PLA2R1: variants seen among roughly 807,000 people sequenced by gnomAD.
PLA2R1 encodes the protein secretory phospholipase A2 receptor.
A neutral mutation model predicts 195.9 loss-of-function variants in PLA2R1; 158 were observed. The observed-to-expected ratio is 0.81, with a 90% confidence interval of 0.71 to 0.92. PLA2R1 has a LOEUF of 0.92. Among genes scored for constraint, PLA2R1 ranks in the 40% least tolerant of loss-of-function variants. PLA2R1 has a pLI of 0.00. For synonymous variants in PLA2R1, 586 were observed against 598.2 expected, an observed-to-expected ratio of 0.98 and a Z score of 0.30; for missense variants, 1,626 against 1,764.6, an observed-to-expected ratio of 0.92 and a Z score of 1.41.
intron 26 of PLA2R1, among the ~76,000 whole-genome samples, 180 bp downstream of exon 26, chr2:159,947,239 G>C (rs1687446389): frequency 6.6e-6 from 1 of 152,156 alleles, no homozygotes; most frequent in African/African-American, 2.4e-5. Context: ...ACTGGACATT[G>C]TTTCATATAG....
Position 160,022,660 on chromosome 2 carries a change from C to A in PLA2R1, c.1294+5G>T. The A allele has an allele frequency of 6.4e-7, 1 of 1,558,778 alleles. No individual in the cohort carries two copies. Among genetic ancestry groups the A allele is most frequent in the Non-Finnish European group, 8.7e-7 (1 of 1,146,834 alleles). On this transcript the variant is annotated splice_donor_5th_base_variant and intron_variant, in intron 7 of 29. Coordinates refer to ENST00000283243, the MANE Select transcript of PLA2R1 (RefSeq NM_007366.5). ...CCTTTTAAACCAAAGGCAGCTGGGA[C>A]TCACCATCTCCAAGGAGGGTTACAA...
intron 11 of PLA2R1, among the ~76,000 whole-genome samples, chr2:159,997,315 G>A (rs915659948): frequency 6.6e-6 from 1 of 152,052 alleles, no homozygotes; most frequent in Non-Finnish European, 1.5e-5. Context: ...GAGAGCTGGA[G>A]CGGGGTATTT....
At position 159,941,583 on chromosome 2, in the gene PLA2R1, G is replaced by A; in HGVS notation, c.*195C>T. The A allele has an allele frequency of 2.1e-6, 1 of 482,924 alleles. No individual in the cohort carries two copies. The highest frequency in any genetic ancestry group is 3.7e-6 in the Non-Finnish European group (1 of 272,430). The allele number at this position is 482,924 out of a possible 1,614,324, so 29.9% of individuals were successfully genotyped here. On this transcript the variant is annotated 3_prime_UTR_variant, in exon 30 of 30. Transcript: ENST00000283243. ...TTACCCCTTTTAAGAATGGATCACA[G>A]TTTAGGGAAATGAATAAATCAAAAC...
At position 160,028,514 on chromosome 2, in the gene PLA2R1, C is replaced by T. The variant is rs148134818; in HGVS notation, c.956-153G>A. ...TTATCTATGATTTTGCAGTTACAGTCCAGGCATGTCAATTAAATGATTTCC... is the reference window on the plus strand; with the variant it reads ...TTATCTATGATTTTGCAGTTACAGTTCAGGCATGTCAATTAAATGATTTCC... On this transcript the variant is annotated intron_variant, in intron 5 of 29. Coordinates refer to ENST00000283243, the MANE Select transcript of PLA2R1 (RefSeq NM_007366.5). Among the ~76,000 whole-genome samples the T allele has an allele frequency of 1.2e-3, 177 of 152,296 alleles. 1 individual carries two copies. In the Middle Eastern group the frequency reaches 0.054, roughly 47 times the overall value.
intron 7 of PLA2R1, among the ~76,000 whole-genome samples, chr2:160,021,436 C>T (rs1285410506): frequency 6.6e-6 from 1 of 152,132 alleles, no homozygotes; most frequent in Non-Finnish European, 1.5e-5. Context: ...CATACACATA[C>T]CATGGAATAC....
chr2:159,956,920 C>G (rs1688130818), intron 20 of PLA2R1, among the ~76,000 whole-genome samples: 1 of 151,712 alleles, frequency 6.6e-6, no homozygotes, highest in African/African-American at 2.4e-5. Context: ...AAGTAGTATT[C>G]TTCCTAAAAA....
Position 160,028,983 on chromosome 2 carries a change from GCTTC to G in PLA2R1, c.842-24_842-21del. The stretch of plus-strand genomic sequence containing the variant: ...TGTGCTCTGAAATGAAAATTATGGA[GCTTC>G]AAAAAAAAAATCCAGTGTTACACAT... On this transcript the variant is annotated intron_variant, in intron 4 of 29. Coordinates refer to ENST00000283243, the MANE Select transcript of PLA2R1 (RefSeq NM_007366.5). 3 of 1,344,806 alleles carry G rather than the reference GCTTC, an allele frequency of 2.2e-6. No homozygotes were observed. Among genetic ancestry groups the G allele is most frequent in the African/African-American group, 2.8e-5 (2 of 71,372 alleles). 83.3% of individuals were successfully genotyped at this position (1,344,806 alleles called of 1,614,324 possible). A position where few individuals can be genotyped will look rare whatever the true frequency, so the allele number is the denominator to read the frequency against.
intron 13 of PLA2R1, among the ~76,000 whole-genome samples, chr2:159,980,858 G>A (rs3792165): frequency 0.61 from 92,239 of 152,102 alleles, 32,006 homozygotes; most frequent in Non-Finnish European, 0.77. Context: ...ATTCCTTCTC[G>A]GATATGTCAG....
At chr2:159,946,983 TC>T in intron 26 of PLA2R1, 66 bp from the exon 27 acceptor site, 1 of 972,140 alleles carries the variant, frequency 1.0e-6, no homozygotes, top group Non-Finnish European at 1.6e-6. Context: ...AAAAAATGTT[TC>T]CTATACTATT....
intron 23 of PLA2R1, 48 bp from the exon 24 acceptor site, chr2:159,951,626 A>G (rs1423936598): frequency 2.1e-6 from 2 of 933,662 alleles, no homozygotes; most frequent in Non-Finnish European, 3.5e-6. Context: ...CTGGATGACA[A>G]AGGAAGAGGC....
intron 11 of PLA2R1, among the ~76,000 whole-genome samples, chr2:159,995,259 G>A (rs1044097883): frequency 3.1e-4 from 47 of 152,056 alleles, no homozygotes; most frequent in African/African-American, 1.1e-3. Context: ...CAATCAGCTT[G>A]AGCAGCCAAA....
chr2:159,986,991 AT>A (rs572770435), intron 12 of PLA2R1, among the ~76,000 whole-genome samples, 164 bp downstream of exon 12: 4 of 152,084 alleles, frequency 2.6e-5, no homozygotes, highest in Non-Finnish European at 4.4e-5. Flanking sequence ...TTGGAATATG[AT>A]TGAAAGGATA....
intron 25 of PLA2R1, 61 bp from the exon 26 acceptor site, chr2:159,947,620 T>C: frequency 1.4e-6 from 2 of 1,427,016 alleles, no homozygotes; most frequent in South Asian, 1.2e-5. Context: ...TTGAGATAAA[T>C]ATTACATTAC....
intron 27 of PLA2R1, chr2:159,946,164 G>C (rs1574643255): frequency 1.3e-6 from 1 of 790,788 alleles, no homozygotes; most frequent in Non-Finnish European, 1.5e-6. Flanking sequence ...CTAACTAAAA[G>C]TTGGTCTGCT....
chr2:159,997,138 G>C (rs887810827), intron 11 of PLA2R1, among the ~76,000 whole-genome samples: 5 of 152,144 alleles, frequency 3.3e-5, no homozygotes, highest in Non-Finnish European at 4.4e-5. Flanking sequence ...AGAAACTGCA[G>C]TAAACAGGCC....
chr2:160,043,914 C>T (rs1012790272), intron 2 of PLA2R1, among the ~76,000 whole-genome samples: 5 of 152,182 alleles, frequency 3.3e-5, no homozygotes, highest in African/African-American at 9.7e-5. Context: ...CATAATTCTA[C>T]AGAGCAGCAC....
chr2:159,994,714 G>A (rs549110050), intron 11 of PLA2R1, among the ~76,000 whole-genome samples: 1 of 152,144 alleles, frequency 6.6e-6, no homozygotes, highest in African/African-American at 2.4e-5. Context: ...GATGCTTGGT[G>A]ATGTACCACA....
rs1035776161 is a variant in PLA2R1, at chr2:159,943,376, C to A, written c.4145-1217G>T. Among the ~76,000 whole-genome samples, 6 of 152,108 alleles carry A rather than the reference C, an allele frequency of 3.9e-5. No individual in the cohort carries two copies. In the South Asian group the frequency reaches 8.3e-4, roughly 21 times the overall value. ...TGAAGACACTTCTTTTAAATTGATGCATATCAGATGCACAAATTTTCAGAA... is the reference window on the plus strand; with the variant it reads ...TGAAGACACTTCTTTTAAATTGATGAATATCAGATGCACAAATTTTCAGAA... On this transcript the variant is annotated intron_variant, in intron 28 of 29. Transcript: ENST00000283243.
intron 20 of PLA2R1, among the ~76,000 whole-genome samples, chr2:159,957,495 C>T (rs923416127): frequency 6.6e-6 from 1 of 152,102 alleles, no homozygotes; most frequent in African/African-American, 2.4e-5. Context: ...ACTGGGACTA[C>T]AGGTGCGCAC....
Sources: allele counts gnomAD v4.1 joint callset (sites outside exome capture counted in the v4.1 genomes callset), GRCh38; gene constraint gnomAD v4.1.1; transcripts MANE v1.5; gene names NCBI Gene and HGNC (gene_info 2026-07-23, HGNC 2026-07-21).